LYST: variants seen among roughly 807,000 people sequenced by gnomAD.
LYST encodes lysosomal-trafficking regulator.
In LYST, 192 loss-of-function variants were observed where a neutral mutation model predicts 413.6. That is an observed-to-expected ratio of 0.46 (90% CI 0.41 to 0.52). The LOEUF (loss-of-function observed/expected upper bound fraction) is 0.52. Ranked by LOEUF, LYST falls within the 20% of genes least tolerant of loss-of-function variation. The probability of loss-of-function intolerance (pLI) is 0.00; values close to 1 mark genes in which losing one functional copy is unlikely to be tolerated. For missense variants in LYST, 3,815 were observed against 4,499.9 expected (o/e 0.85, Z 4.35); for synonymous variants, 1,525 against 1,567.3 (o/e 0.97, Z 0.64).
chr1:235,806,919 C>A (rs908783617), intron 5 of LYST, 147 bp from the exon 6 acceptor site: 1 of 651,888 alleles, frequency 1.5e-6, no homozygotes, highest in African/African-American at 1.8e-5. Context: ...GGCTAAAGTT[C>A]TTAGTTAGAT....
Position 235,663,125 on chromosome 1 carries a change from G to A in LYST, c.11268-47C>T, listed in dbSNP as rs1401704636. ...CATTTGTACATTATATTTCTTAAAA[G>A]TGTATTAGCATATTGGTCATCATAC... On this transcript the variant is annotated intron_variant, in intron 52 of 52. Transcript: ENST00000389793. The A allele has an allele frequency of 3.0e-6, 4 of 1,330,090 alleles. No homozygotes were observed. The East Asian group carries it at 9.2e-5, about 31-fold the overall frequency. 82.4% of individuals were successfully genotyped at this position (1,330,090 alleles called of 1,614,324 possible). A position where few individuals can be genotyped will look rare whatever the true frequency, so the allele number is the denominator to read the frequency against.
At chr1:235,732,851 T>C (rs1052869477) in intron 34 of LYST, among the ~76,000 whole-genome samples, 30 of 152,218 alleles carry the variant, frequency 2.0e-4, no homozygotes. Flanking sequence ...AATAACTTTA[T>C]TTGCTGAAAA....
At chr1:235,874,877 C>T (rs1681072217) in intron 1 of LYST, among the ~76,000 whole-genome samples, 1 of 152,040 alleles carries the variant, frequency 6.6e-6, no homozygotes, top group Non-Finnish European at 1.5e-5. Flanking sequence ...GCATAAAATC[C>T]GTGTGTCCAG....
chr1:235,722,458 G>C (rs1418546994), intron 39 of LYST, among the ~76,000 whole-genome samples: 2 of 152,144 alleles, frequency 1.3e-5, no homozygotes, highest in African/African-American at 4.8e-5. Context: ...GTAGCTGAAA[G>C]TCACTACAGC....
intron 41 of LYST, 132 bp from the exon 42 acceptor site, chr1:235,715,489 C>T (rs1662760250): frequency 7.2e-6 from 6 of 830,536 alleles, no homozygotes; most frequent in Middle Eastern, 3.4e-4. Flanking sequence ...GGCCCTCCCA[C>T]TCTTACCCAG....
At chr1:235,812,344 C>T (rs1673545517) in intron 4 of LYST, among the ~76,000 whole-genome samples, 1 of 151,476 alleles carries the variant, frequency 6.6e-6, no homozygotes, top group Admixed American at 6.6e-5. Context: ...TCTGTATGTA[C>T]TAAAATGCAA....
intron 50 of LYST, among the ~76,000 whole-genome samples, chr1:235,669,341 A>G (rs1217053587): frequency 6.6e-6 from 1 of 152,226 alleles, no homozygotes; most frequent in Admixed American, 6.5e-5. Context: ...ACTTCCTAGA[A>G]CTAAATTCAA....
chr1:235,696,340 G>T (rs1454489273), intron 46 of LYST, among the ~76,000 whole-genome samples: 2 of 152,206 alleles, frequency 1.3e-5, no homozygotes, highest in Non-Finnish European at 2.9e-5. Context: ...AATGGTAATT[G>T]CCAGCAGTGC....
intron 1 of LYST, among the ~76,000 whole-genome samples, chr1:235,861,411 T>C (rs1679856160): frequency 6.6e-6 from 1 of 152,136 alleles, no homozygotes; most frequent in Non-Finnish European, 1.5e-5. Context: ...GTAAACAAAG[T>C]TGGGGGATTA....
intron 1 of LYST, among the ~76,000 whole-genome samples, chr1:235,843,244 ATATT>A (rs142487833): frequency 0.099 from 14,988 of 152,144 alleles, 822 homozygotes; most frequent in Middle Eastern, 0.18. Flanking sequence ...ATTAATTCCA[ATATT>A]TATTTATTAA....
At chr1:235,804,700 AAC>A in intron 6 of LYST, 35 bp from the exon 7 acceptor site, 2 of 1,235,122 alleles carry the variant, frequency 1.6e-6, no homozygotes, top group South Asian at 2.5e-5. Context: ...GAATATTAAT[AAC>A]CATTTTAAAA....
In LYST at chr1:235,729,666, A is replaced by G. The variant is rs1158940853; in HGVS notation, c.9045-9T>C. The G allele has an allele frequency of 2.5e-6, 4 of 1,587,846 alleles. No homozygotes were observed. The East Asian group carries it at 6.7e-5, about 27-fold the overall frequency. ...TGCATCTTCGATTCACTCTGTCAAA[A>G]CATATTTAAAATTACTATGACTAAA... On this transcript the variant is annotated splice_polypyrimidine_tract_variant and intron_variant, in intron 36 of 52. Transcript: ENST00000389793.
Position 235,706,669 on chromosome 1 carries a change from T to C in LYST, c.10143+2422A>G, listed in dbSNP as rs533145436. The stretch of plus-strand genomic sequence containing the variant: ...AAGAAGGCATTTTTTCTCCCTTACA[T>C]ATTAATATTATATGTAAAGTTGTTA... On this transcript the variant is annotated intron_variant, in intron 44 of 52. Transcript: ENST00000389793. Among the ~76,000 whole-genome samples the C allele has an allele frequency of 1.7e-3, 252 of 152,314 alleles. 3 individuals are homozygous for C. Among genetic ancestry groups the C allele is most frequent in the African/African-American group, 5.9e-3 (244 of 41,570 alleles).
chr1:235,801,311 G>A (rs1362612515), intron 8 of LYST, among the ~76,000 whole-genome samples: 1 of 151,190 alleles, frequency 6.6e-6, no homozygotes, highest in Non-Finnish European at 1.5e-5. Context: ...ATCTTCAATA[G>A]AACTACAAAT....
intron 2 of LYST, among the ~76,000 whole-genome samples, chr1:235,833,367 A>G (rs765908017): frequency 3.3e-5 from 5 of 152,148 alleles, no homozygotes; most frequent in Non-Finnish European, 7.4e-5. Context: ...ATCCTTTTGT[A>G]ACTTTGCTTT....
At position 235,866,895 on chromosome 1, in the gene LYST, C is replaced by G. The variant is rs952824287; in HGVS notation, c.-150G>C. The G allele has an allele frequency of 6.5e-6, 1 of 154,010 alleles. No homozygotes were observed. The allele number at this position is 154,010 out of a possible 1,614,324, so 9.5% of individuals were successfully genotyped here. On this transcript the variant is annotated 5_prime_UTR_variant, in exon 1 of 53. Transcript: ENST00000389793. Reference sequence around the variant, plus strand: ...GCACTCCCCCTCTCCCGGAGAACCCCGAGCCGACGCCGCTGCCGCCGCCGC... The same window carrying G: ...GCACTCCCCCTCTCCCGGAGAACCCGGAGCCGACGCCGCTGCCGCCGCCGC...
At chr1:235,815,337 A>T (rs917188733) in intron 3 of LYST, among the ~76,000 whole-genome samples, 2 of 152,210 alleles carry the variant, frequency 1.3e-5, no homozygotes, top group African/African-American at 4.8e-5. Flanking sequence ...TTCAGATATA[A>T]TGTTGTGCTA....
intron 3 of LYST, among the ~76,000 whole-genome samples, chr1:235,827,098 T>C (rs1318418292): frequency 1.3e-5 from 2 of 151,984 alleles, no homozygotes; most frequent in East Asian, 3.9e-4. Context: ...GCGCAGTGGC[T>C]CACACCTGTA....
intron 25 of LYST, 115 bp downstream of exon 25, chr1:235,755,363 T>A (rs931943928): frequency 1.3e-5 from 13 of 1,005,508 alleles, no homozygotes; most frequent in African/African-American, 1.9e-5. Context: ...CACTCCAGCC[T>A]GGGCAACAGG....
Sources: gnomAD v4.1 joint callset for allele counts (sites outside exome capture counted in the v4.1 genomes callset) on GRCh38, gnomAD v4.1.1 for gene constraint, MANE v1.5 for transcripts, NCBI Gene and HGNC (gene_info 2026-07-23, HGNC 2026-07-21) for gene names.